Variants in CERKL observed in about 807,000 individuals in gnomAD.
The protein encoded by CERKL is ceramide kinase-like protein.
A neutral mutation model predicts 63.4 loss-of-function variants in CERKL; 61 were observed. The observed-to-expected ratio is 0.96, with a 90% confidence interval of 0.78 to 1.19. The LOEUF is 1.19. Among genes scored for constraint, CERKL ranks in the 50% most tolerant of loss-of-function variants. The probability of loss-of-function intolerance (pLI) is 0.00; values close to 1 mark genes in which losing one functional copy is unlikely to be tolerated. For synonymous variants in CERKL, 250 were observed against 230.5 expected (o/e 1.08, Z -0.77); for missense variants, 675 against 655.5 (o/e 1.03, Z -0.33).
chr2:181,620,879 T>G (rs1686419404), intron 1 of CERKL, among the ~76,000 whole-genome samples: 1 of 152,204 alleles, frequency 6.6e-6, no homozygotes, highest in African/African-American at 2.4e-5. Context: ...AAAAAGTATT[T>G]GTAAAACTTT....
chr2:181,647,623 C>T (rs576270071), intron 1 of CERKL, among the ~76,000 whole-genome samples: 62 of 152,246 alleles, frequency 4.1e-4, no homozygotes, highest in Middle Eastern at 3.4e-3. Flanking sequence ...CAGGAAAAGT[C>T]TCTCCCTGTG....
At chr2:181,547,999 A>G in intron 8 of CERKL, 152 bp from the exon 9 acceptor site, 7 of 639,070 alleles carry the variant, frequency 1.1e-5, no homozygotes, top group East Asian at 3.0e-5. Flanking sequence ...GTAAAAACGT[A>G]CAATTTTGTT....
chr2:181,561,329 G>A (rs1688429821), intron 4 of CERKL, among the ~76,000 whole-genome samples: 1 of 151,162 alleles, frequency 6.6e-6, no homozygotes, highest in African/African-American at 2.4e-5. Flanking sequence ...AGAATTGCTT[G>A]AACCTGGGAG....
intron 3 of CERKL, among the ~76,000 whole-genome samples, chr2:181,573,337 C>G (rs12999065): frequency 0.4 from 60,350 of 151,856 alleles, 12,780 homozygotes; most frequent in African/African-American, 0.53. Context: ...GACCTAACCA[C>G]CAGGGGTCAG....
chr2:181,616,547 T>C (rs1456236856), intron 1 of CERKL, among the ~76,000 whole-genome samples: 1 of 152,092 alleles, frequency 6.6e-6, no homozygotes, highest in East Asian at 1.9e-4. Flanking sequence ...ATACAGACAA[T>C]AAAAATGCTA....
chr2:181,629,617 C>T (rs1425572270), intron 1 of CERKL, among the ~76,000 whole-genome samples: 1 of 136,028 alleles, frequency 7.4e-6, no homozygotes, highest in African/African-American at 2.7e-5. Flanking sequence ...TCTCCTCAAA[C>T]ATTAGTAGTC....
chr2:181,556,516 G>A (rs1047734043), intron 5 of CERKL, among the ~76,000 whole-genome samples: 2 of 151,814 alleles, frequency 1.3e-5, no homozygotes, highest in African/African-American at 4.8e-5. Context: ...TCCTTGTGAT[G>A]GTTTGCTGAG....
chr2:181,538,956 T>TTA (rs1687349594), intron 12 of CERKL, 136 bp downstream of exon 12: 2 of 703,530 alleles, frequency 2.8e-6, no homozygotes, highest in African/African-American at 3.6e-5. Context: ...GCATGTCTCT[T>TTA]TATGCTTCCC....
intron 1 of CERKL, among the ~76,000 whole-genome samples, chr2:181,627,628 C>T (rs1242515709): frequency 6.6e-6 from 1 of 152,128 alleles, no homozygotes; most frequent in African/African-American, 2.4e-5. Flanking sequence ...AACTAATAAT[C>T]ATGTAGTGGG....
Position 181,537,287 on chromosome 2 carries a change from T to C in CERKL, c.*897A>G, listed in dbSNP as rs1426153454. The C allele has an allele frequency of 4.4e-6, 2 of 453,586 alleles. No individual in the cohort carries two copies. Among genetic ancestry groups the C allele is most frequent in the African/African-American group, 2.0e-5 (1 of 49,962 alleles). 28.1% of individuals were successfully genotyped at this position (453,586 alleles called of 1,614,324 possible). ...CTACTCAGAACTACTCAGAAACAAC[T>C]ATATATTTCAGGTTATCTGAGCACA... On this transcript the variant is annotated 3_prime_UTR_variant, in exon 13 of 13. Coordinates refer to ENST00000410087, the MANE Select transcript of CERKL (RefSeq NM_201548.5).
rs554167374 is a variant in CERKL at position 181,656,910 on chromosome 2, A to C, written c.97T>G (p.Leu33Val). The C allele has an allele frequency of 1.5e-4, 243 of 1,603,036 alleles. 4 individuals are homozygous for C. The South Asian group carries it at 2.4e-3, about 16-fold the overall frequency. ...PEAAAVPPALLTSPQQTEAAA... is the reference protein window; with the variant it reads ...PEAAAVPPALVTSPQQTEAAA... ...GCCTCCGTCTGCTGCGGGGACGTTA[A>C]CAGCGCCGGAGGCACAGCGGCAGCC... The change falls in exon 1 of 13, where the codon TTA becomes GTA. Residue 33 changes from leucine to valine, a missense_variant. Coordinates refer to ENST00000410087, the MANE Select transcript of CERKL (RefSeq NM_201548.5).
intron 1 of CERKL, among the ~76,000 whole-genome samples, chr2:181,618,393 T>A (rs537118297): frequency 2.0e-5 from 3 of 152,120 alleles, no homozygotes; most frequent in South Asian, 4.1e-4. Flanking sequence ...TAATATGCAA[T>A]GAACTTACTG....
intron 4 of CERKL, among the ~76,000 whole-genome samples, chr2:181,559,285 C>A (rs1688337506): frequency 6.6e-6 from 1 of 151,936 alleles, no homozygotes; most frequent in African/African-American, 2.4e-5. Flanking sequence ...AGCCTTTGAT[C>A]CTAGATAGTA....
intron 1 of CERKL, among the ~76,000 whole-genome samples, chr2:181,605,947 C>T (rs1685658009): frequency 6.6e-6 from 1 of 151,712 alleles, no homozygotes; most frequent in Admixed American, 6.6e-5. Flanking sequence ...CATTTTTGGC[C>T]TCTCCCAACT....
chr2:181,545,734 C>T (rs1687699707), intron 10 of CERKL, among the ~76,000 whole-genome samples: 1 of 152,070 alleles, frequency 6.6e-6, no homozygotes, highest in Non-Finnish European at 1.5e-5. Flanking sequence ...GCTTCTTCTT[C>T]CCAATTAAAA....
chr2:181,565,525 C>A lies in CERKL; in HGVS notation c.677+533G>T. ...TCCGATGCCCACTGTGAATAACATA[C>A]CTAAATTGTAGTCACTACATTATGA... On this transcript the variant is annotated intron_variant, in intron 4 of 12. Coordinates refer to ENST00000410087, the MANE Select transcript of CERKL (RefSeq NM_201548.5). The A allele has an allele frequency of 7.7e-6, 12 of 1,559,854 alleles. No individual in the cohort carries two copies. The highest frequency in any genetic ancestry group is 1.4e-5 in the African/African-American group (1 of 73,904).
intron 5 of CERKL, among the ~76,000 whole-genome samples, chr2:181,552,917 ACT>A (rs1212624230): frequency 6.6e-6 from 1 of 152,142 alleles, no homozygotes; most frequent in Non-Finnish European, 1.5e-5. Flanking sequence ...TTCCAGACAC[ACT>A]GATTCAGAGT....
chr2:181,564,070 G>T lies in CERKL; in HGVS notation c.677+1988C>A, dbSNP rs575309919. ...ATTCTCATCAAGAGCACGCAACCTA[G>T]ATCCCTCGCATGACCAGTTATATCC... is the stretch of plus-strand genomic sequence containing the variant. On this transcript the variant is annotated intron_variant, in intron 4 of 12. Transcript: ENST00000410087. 2.0e-5 allele frequency among the ~76,000 whole-genome samples: 3 copies of T among 152,178 alleles called. No homozygotes were observed. In the South Asian group the frequency reaches 6.2e-4, roughly 32 times the overall value.
At chr2:181,652,149 T>C (rs768446328) in intron 1 of CERKL, among the ~76,000 whole-genome samples, 60 of 149,682 alleles carry the variant, frequency 4.0e-4, no homozygotes, top group Non-Finnish European at 6.6e-4. Context: ...AATGTTACAA[T>C]CTGAAAATTC....
Sources: gnomAD v4.1 joint callset for allele counts (sites outside exome capture counted in the v4.1 genomes callset) on GRCh38, gnomAD v4.1.1 for gene constraint, MANE v1.5 for transcripts, NCBI Gene and HGNC (gene_info 2026-07-23, HGNC 2026-07-21) for gene names.